KCNH8: variants seen among roughly 807,000 people sequenced by gnomAD.
KCNH8 encodes the protein voltage-gated delayed rectifier potassium channel KCNH8.
In KCNH8, 70 loss-of-function variants were observed where a neutral mutation model predicts 103.6. That is an observed-to-expected ratio of 0.68 (90% confidence interval 0.56 to 0.82). KCNH8 has a LOEUF of 0.82. Among genes scored for constraint, KCNH8 ranks in the 40% least tolerant of loss-of-function variants. The pLI, the probability that KCNH8 is intolerant of heterozygous loss-of-function variation, is 0.00. For synonymous variants in KCNH8, 498 were observed against 489.4 expected (o/e 1.02, Z -0.23); for missense variants, 1,217 against 1,329.9 (o/e 0.92, Z 1.32).
intron 5 of KCNH8, among the ~76,000 whole-genome samples, chr3:19,349,942 T>C (rs987091333): frequency 7.2e-5 from 11 of 152,094 alleles, no homozygotes; most frequent in Admixed American, 2.0e-4. Context: ...TTTTTGGTGT[T>C]TACTTTCTGC....
intron 15 of KCNH8, among the ~76,000 whole-genome samples, chr3:19,530,886 T>C (rs1559373729): frequency 6.6e-6 from 1 of 152,214 alleles, no homozygotes; most frequent in Non-Finnish European, 1.5e-5. Flanking sequence ...CTTAAAAATG[T>C]CCTTTCACCT....
chr3:19,179,335 T>G (rs1286072761), intron 1 of KCNH8, among the ~76,000 whole-genome samples: 1 of 152,164 alleles, frequency 6.6e-6, no homozygotes, highest in Admixed American at 6.5e-5. Context: ...GATTAACAAT[T>G]TAATCTTTAC....
intron 11 of KCNH8, among the ~76,000 whole-genome samples, chr3:19,482,853 C>G (rs557345298): frequency 2.0e-5 from 3 of 152,310 alleles, no homozygotes; most frequent in Non-Finnish European, 1.5e-5. Flanking sequence ...TAGTATTTCT[C>G]ATCTGAGTTT....
intron 2 of KCNH8, among the ~76,000 whole-genome samples, chr3:19,260,405 A>G (rs1312521479): frequency 6.7e-6 from 1 of 148,794 alleles, no homozygotes; most frequent in East Asian, 2.0e-4. Flanking sequence ...TGAGCTATTC[A>G]TGACAGATAA....
intron 11 of KCNH8, among the ~76,000 whole-genome samples, chr3:19,490,624 GC>G (rs2068299583): frequency 6.6e-6 from 1 of 152,186 alleles, no homozygotes; most frequent in Non-Finnish European, 1.5e-5. Context: ...TTTCATTTCT[GC>G]CTTTCAGTTT....
At chr3:19,240,672 C>T (rs1270942613) in intron 1 of KCNH8, among the ~76,000 whole-genome samples, 1 of 151,840 alleles carries the variant, frequency 6.6e-6, no homozygotes, top group African/African-American at 2.4e-5. Context: ...TTTATATCTC[C>T]TCTTGGATGC....
chr3:19,374,083 C>G (rs1459574412), intron 5 of KCNH8, among the ~76,000 whole-genome samples: 2 of 151,850 alleles, frequency 1.3e-5, no homozygotes, highest in Non-Finnish European at 2.9e-5. Flanking sequence ...AATGTATATT[C>G]TGTTGATTTG....
intron 2 of KCNH8, among the ~76,000 whole-genome samples, chr3:19,254,164 CTATTA>C (rs2125253627): frequency 6.6e-6 from 1 of 151,978 alleles, no homozygotes; most frequent in South Asian, 2.1e-4. Context: ...AAGTACGTTA[CTATTA>C]TATTTTGGTA....
At chr3:19,526,057 A>G (rs1023149021) in intron 15 of KCNH8, among the ~76,000 whole-genome samples, 4 of 151,960 alleles carry the variant, frequency 2.6e-5, no homozygotes, top group Non-Finnish European at 5.9e-5. Flanking sequence ...AATATGCAAC[A>G]TAACAAAGGA....
At chr3:19,258,937 CTCTCTCTCTCTATATATATATATATA>C (rs2064385091) in intron 2 of KCNH8, among the ~76,000 whole-genome samples, 1 of 80,068 alleles carries the variant, frequency 1.2e-5, no homozygotes. Flanking sequence ...CTCTCTCTCT[CTCTCTCTCTCTATATATATATATATA>C]TATATATATA....
chr3:19,406,622 C>G (rs1326695051), intron 7 of KCNH8, among the ~76,000 whole-genome samples: 1 of 151,992 alleles, frequency 6.6e-6, no homozygotes, highest in Non-Finnish European at 1.5e-5. Context: ...GTATTTTTTT[C>G]AACCCCCATG....
At chr3:19,397,751 G>T (rs1347346764) in intron 7 of KCNH8, among the ~76,000 whole-genome samples, 4 of 151,730 alleles carry the variant, frequency 2.6e-5, no homozygotes, top group Non-Finnish European at 5.9e-5. Context: ...GATATGACTA[G>T]CAAGAGAGTA....
intron 7 of KCNH8, among the ~76,000 whole-genome samples, chr3:19,401,562 C>G (rs992981480): frequency 6.6e-6 from 1 of 151,898 alleles, no homozygotes; most frequent in Non-Finnish European, 1.5e-5. Flanking sequence ...ATGCTCTATT[C>G]TATTTTCATA....
chr3:19,242,119 G>A (rs1249761905), intron 1 of KCNH8, among the ~76,000 whole-genome samples: 4 of 152,098 alleles, frequency 2.6e-5, no homozygotes, highest in African/African-American at 9.7e-5. Context: ...TTTAGGCAGG[G>A]TATTCCAGGC....
chr3:19,175,939 C>T (rs1395615279), intron 1 of KCNH8, among the ~76,000 whole-genome samples: 1 of 152,108 alleles, frequency 6.6e-6, no homozygotes, highest in African/African-American at 2.4e-5. Context: ...TTCACATTTT[C>T]CTCAATTAAT....
chr3:19,257,332 C>T (rs554943726), intron 2 of KCNH8, among the ~76,000 whole-genome samples: 2 of 152,130 alleles, frequency 1.3e-5, no homozygotes, highest in African/African-American at 2.4e-5. Flanking sequence ...AACACAATTT[C>T]TCCATGCTTC....
At position 19,477,420 on chromosome 3, in the gene KCNH8, TTTTC is replaced by T. The variant is rs199827348; in HGVS notation, c.2040+20442_2040+20445del. 6.1e-3 allele frequency among the ~76,000 whole-genome samples: 907 copies of T among 148,024 alleles called. 10 individuals are homozygous for T. Among genetic ancestry groups the T allele is most frequent in the African/African-American group, 0.022 (859 of 38,724 alleles). ...ACAATGAATGTGAGGATTTTTTTGGTTTTCTTTTTTTTTTTTTAACTGTAATTTC... is the reference window on the plus strand; with the variant it reads ...ACAATGAATGTGAGGATTTTTTTGGTTTTTTTTTTTTTTAACTGTAATTTC... On this transcript the variant is annotated intron_variant, in intron 11 of 15. Transcript: ENST00000328405.
At chr3:19,420,994 GAGA>G (rs1420607081) in intron 7 of KCNH8, among the ~76,000 whole-genome samples, 4 of 152,104 alleles carry the variant, frequency 2.6e-5, no homozygotes, top group Admixed American at 2.6e-4. Flanking sequence ...TGTGTTAAGA[GAGA>G]AGGAGGGAGA....
chr3:19,489,198 T>C (rs1263887656), intron 11 of KCNH8, among the ~76,000 whole-genome samples: 1 of 152,092 alleles, frequency 6.6e-6, no homozygotes, highest in Admixed American at 6.6e-5. Context: ...GTGGAGGTGC[T>C]GTGGGTTCTG....
Sources: allele counts gnomAD v4.1 joint callset (sites outside exome capture counted in the v4.1 genomes callset), GRCh38; gene constraint gnomAD v4.1.1; transcripts MANE v1.5; gene names NCBI Gene and HGNC (gene_info 2026-07-23, HGNC 2026-07-21).